Variants in ARHGAP15 observed in about 807,000 individuals in gnomAD.
ARHGAP15 encodes Rho GTPase activating protein 15, also known as rho GTPase-activating protein 15.
Under a neutral mutation model 63.7 loss-of-function variants are expected in ARHGAP15, and 51 were observed. That is an observed-to-expected ratio of 0.80 (90% CI 0.64 to 1.01). The LOEUF (loss-of-function observed/expected upper bound fraction) is 1.01, where lower values mean the gene tolerates loss of function less well. Among genes scored for constraint, ARHGAP15 ranks in the 50% least tolerant of loss-of-function variants. The pLI is 0.00. For missense variants in ARHGAP15, 560 were observed against 564.6 expected (o/e 0.99, Z 0.08); for synonymous variants, 191 against 193.8 (o/e 0.99, Z 0.12).
chr2:143,556,357 C>A, intron 10 of ARHGAP15, 51 bp from the exon 11 acceptor site: 1 of 1,359,030 alleles, frequency 7.4e-7, no homozygotes, highest in Non-Finnish European at 1.0e-6. Flanking sequence ...TTTTTTTAAA[C>A]CATCTCAATT....
rs866541619 is a variant in ARHGAP15, at chr2:143,392,750, T to G, written c.475-42851T>G. ...TTTTTGTTTTGGGTTTTTGGGAGTA[T>G]AGAAAAAATTCTGTACAGTACATAT... On this transcript the variant is annotated intron_variant, in intron 6 of 13. Coordinates refer to ENST00000295095, the MANE Select transcript of ARHGAP15 (RefSeq NM_018460.4). Among the ~76,000 whole-genome samples, 4 of 152,190 alleles carry G rather than the reference T, an allele frequency of 2.6e-5. No homozygotes were observed. In the South Asian group the frequency reaches 8.3e-4, roughly 31 times the overall value.
chr2:143,439,058 C>A (rs575741589), intron 8 of ARHGAP15, among the ~76,000 whole-genome samples: 2 of 152,198 alleles, frequency 1.3e-5, no homozygotes, highest in African/African-American at 4.8e-5. Flanking sequence ...CTCACTACTT[C>A]TCTTTAGAAT....
intron 6 of ARHGAP15, among the ~76,000 whole-genome samples, chr2:143,371,722 T>C (rs1023830096): frequency 2.6e-5 from 4 of 152,194 alleles, no homozygotes; most frequent in African/African-American, 9.6e-5. Context: ...ACCAATATTA[T>C]ACTTTGCCAA....
At chr2:143,616,384 T>C (rs920266628) in intron 11 of ARHGAP15, among the ~76,000 whole-genome samples, 9 of 152,166 alleles carry the variant, frequency 5.9e-5, no homozygotes, top group African/African-American at 2.2e-4. Flanking sequence ...CTTCCTGTAC[T>C]GGATAGAGTA....
At chr2:143,664,246 A>G (rs1186169359) in intron 12 of ARHGAP15, among the ~76,000 whole-genome samples, 2 of 152,204 alleles carry the variant, frequency 1.3e-5, no homozygotes, top group Non-Finnish European at 2.9e-5. Context: ...TCAAACTAGA[A>G]CTCAGGATTA....
intron 11 of ARHGAP15, among the ~76,000 whole-genome samples, chr2:143,573,404 T>A (rs951793151): frequency 6.6e-6 from 1 of 152,136 alleles, no homozygotes; most frequent in Non-Finnish European, 1.5e-5. Flanking sequence ...AAAAATAACA[T>A]GTAAACTACA....
chr2:143,219,629 A>G (rs1692906507), intron 4 of ARHGAP15, among the ~76,000 whole-genome samples: 2 of 152,188 alleles, frequency 1.3e-5, no homozygotes, highest in African/African-American at 2.4e-5. Flanking sequence ...AAATCTACTG[A>G]CTACTGTTGT....
intron 13 of ARHGAP15, among the ~76,000 whole-genome samples, chr2:143,751,687 C>T (rs1686380969): frequency 6.6e-6 from 1 of 152,116 alleles, no homozygotes; most frequent in Non-Finnish European, 1.5e-5. Flanking sequence ...ATGTAATGTC[C>T]CAGACCCTCA....
chr2:143,226,122 GT>G (rs147474943), intron 4 of ARHGAP15, among the ~76,000 whole-genome samples: 30 of 152,308 alleles, frequency 2.0e-4, no homozygotes, highest in African/African-American at 7.2e-4. Context: ...ACCCTCTTCA[GT>G]TTTTTCATCC....
intron 6 of ARHGAP15, among the ~76,000 whole-genome samples, chr2:143,434,317 G>T (rs558842558): frequency 6.6e-6 from 1 of 152,128 alleles, no homozygotes; most frequent in South Asian, 2.1e-4. Context: ...TGGTTACTTT[G>T]CAGTACTGAT....
At chr2:143,644,698 G>T (rs186341797) in intron 12 of ARHGAP15, among the ~76,000 whole-genome samples, 121 of 152,206 alleles carry the variant, frequency 7.9e-4, no homozygotes, top group African/African-American at 2.9e-3. Flanking sequence ...CGCAAGTTCG[G>T]CCAGATCAAT....
At chr2:143,635,729 C>T (rs1031914195) in intron 12 of ARHGAP15, among the ~76,000 whole-genome samples, 1 of 152,062 alleles carries the variant, frequency 6.6e-6, no homozygotes, top group Non-Finnish European at 1.5e-5. Context: ...TTTCTACCTA[C>T]ACTTTCTGAA....
At chr2:143,402,645 C>G (rs1174295618) in intron 6 of ARHGAP15, among the ~76,000 whole-genome samples, 1 of 151,678 alleles carries the variant, frequency 6.6e-6, no homozygotes, top group Non-Finnish European at 1.5e-5. Context: ...GTGTGCGTTT[C>G]CCCATGATGC....
At chr2:143,365,104 A>T (rs1574338558) in intron 6 of ARHGAP15, among the ~76,000 whole-genome samples, 1 of 152,212 alleles carries the variant, frequency 6.6e-6, no homozygotes, top group African/African-American at 2.4e-5. Flanking sequence ...AATATAGAGG[A>T]TGTAGTACAC....
intron 6 of ARHGAP15, among the ~76,000 whole-genome samples, chr2:143,310,958 A>G (rs1683417009): frequency 6.6e-6 from 1 of 152,072 alleles, no homozygotes; most frequent in African/African-American, 2.4e-5. Context: ...GTCTGAGATC[A>G]TGTTTAGGAA....
chr2:143,568,596 A>T (rs1388138892), intron 11 of ARHGAP15, among the ~76,000 whole-genome samples: 3 of 152,220 alleles, frequency 2.0e-5, no homozygotes, highest in African/African-American at 7.2e-5. Flanking sequence ...ATTGTGGAAG[A>T]CAGTGTGGCG....
rs35562461 is a variant in ARHGAP15 at position 143,509,332 on chromosome 2, GA to G, written c.827-9920del. Among the ~76,000 whole-genome samples the G allele has an allele frequency of 5.4e-3, 757 of 139,922 alleles. 7 individuals carry two copies. Among genetic ancestry groups the G allele is most frequent in the African/African-American group, 0.015 (551 of 37,624 alleles). 91.8% of individuals were successfully genotyped at this position (139,922 alleles called of 152,430 possible). A position where few individuals can be genotyped will look rare whatever the true frequency, so the allele number is the denominator to read the frequency against. Reference sequence around the variant, plus strand: ...GCTTTTTCTTGTACTTGCCTCTTATGAAAAAAAAAAAAAATAAGTAAACAAG... The same window carrying G: ...GCTTTTTCTTGTACTTGCCTCTTATGAAAAAAAAAAAAATAAGTAAACAAG... On this transcript the variant is annotated intron_variant, in intron 9 of 13. Transcript: ENST00000295095.
At chr2:143,375,874 C>G (rs1330880534) in intron 6 of ARHGAP15, among the ~76,000 whole-genome samples, 2 of 152,128 alleles carry the variant, frequency 1.3e-5, no homozygotes, top group African/African-American at 2.4e-5. Flanking sequence ...TTACTTTTTT[C>G]GGTGATGGTT....
At chr2:143,421,937 A>G (rs1242789692) in intron 6 of ARHGAP15, among the ~76,000 whole-genome samples, 4 of 152,036 alleles carry the variant, frequency 2.6e-5, no homozygotes, top group African/African-American at 9.7e-5. Flanking sequence ...CTGATTGGCA[A>G]TGATTACTTC....
Sources: allele counts gnomAD v4.1 joint callset (sites outside exome capture counted in the v4.1 genomes callset), GRCh38; gene constraint gnomAD v4.1.1; transcripts MANE v1.5; gene names NCBI Gene and HGNC (gene_info 2026-07-23, HGNC 2026-07-21).